DPYS: variants seen among roughly 807,000 people sequenced by gnomAD.
The protein encoded by DPYS is dihydropyrimidinase.
In DPYS, 39 loss-of-function variants were observed where a neutral mutation model predicts 50.3. That is an observed-to-expected ratio of 0.78 (90% confidence interval 0.60 to 1.01). DPYS has a LOEUF of 1.01. DPYS is among the 50% of genes least tolerant of loss of function. The pLI is 0.00. For synonymous variants in DPYS, 245 were observed against 250.7 expected (o/e 0.98, Z 0.22); for missense variants, 659 against 680.9 (o/e 0.97, Z 0.36).
chr8:104,420,158 G>A (rs1404245088), intron 7 of DPYS: 3 of 152,244 alleles, frequency 2.0e-5, no homozygotes, highest in African/African-American at 4.8e-5. Context: ...AAGGTGAGAA[G>A]AGGCAGACAG....
intron 8 of DPYS, 27 bp downstream of exon 8, chr8:104,392,757 G>A (rs1340509946): frequency 6.2e-7 from 1 of 1,613,206 alleles, no homozygotes; most frequent in South Asian, 1.1e-5. Context: ...TCCGACTTGT[G>A]GCAGTATCCC....
chr8:104,382,556 T>TTC (rs397957520), intron 8 of DPYS, among the ~76,000 whole-genome samples: 5 of 150,694 alleles, frequency 3.3e-5, no homozygotes, highest in African/African-American at 1.2e-4. Context: ...TTTTTTTTTT[T>TTC]CTTCTCCTGA....
chr8:104,453,169 A>T (rs1002175301), intron 1 of DPYS, among the ~76,000 whole-genome samples: 10 of 151,440 alleles, frequency 6.6e-5, no homozygotes, highest in Non-Finnish European at 1.2e-4. Flanking sequence ...ACTTGGCCCC[A>T]CTCCAATTCT....
intron 8 of DPYS, among the ~76,000 whole-genome samples, chr8:104,385,005 A>G (rs146920760): frequency 6.6e-6 from 1 of 152,244 alleles, no homozygotes; most frequent in African/African-American, 2.4e-5. Context: ...CTTCTCTAAT[A>G]TAGTTTCCTT....
intron 9 of DPYS, 71 bp downstream of exon 9, chr8:104,381,113 C>T (rs1439701210): frequency 3.1e-6 from 4 of 1,297,404 alleles, no homozygotes; most frequent in Non-Finnish European, 4.5e-6. Flanking sequence ...ATCTCTTCAA[C>T]CCTTATGAGG....
chr8:104,465,898 A>C (rs1814362168), intron 1 of DPYS, among the ~76,000 whole-genome samples: 1 of 152,122 alleles, frequency 6.6e-6, no homozygotes, highest in African/African-American at 2.4e-5. Context: ...AACATCAGTA[A>C]AACTATGGGT....
intron 1 of DPYS, among the ~76,000 whole-genome samples, chr8:104,455,302 G>C (rs149639890): frequency 6.6e-6 from 1 of 152,168 alleles, no homozygotes; most frequent in Non-Finnish European, 1.5e-5. Flanking sequence ...AGAAGATCTG[G>C]GGGGAAGAGG....
At chr8:104,461,268 G>A (rs573871017) in intron 1 of DPYS, among the ~76,000 whole-genome samples, 1 of 145,226 alleles carries the variant, frequency 6.9e-6, no homozygotes, top group East Asian at 2.0e-4. Flanking sequence ...TTCCAGCCCA[G>A]GTGAGAGAGT....
chr8:104,459,609 T>A (rs6984745), intron 1 of DPYS, among the ~76,000 whole-genome samples: 3,321 of 152,326 alleles, frequency 0.022, 105 homozygotes, highest in African/African-American at 0.074. Context: ...TAAATATTAT[T>A]TTGAGCTCCA....
At chr8:104,424,502 T>A (rs1564096310) in intron 6 of DPYS, 113 bp from the exon 7 acceptor site, 23 of 1,117,364 alleles carry the variant, frequency 2.1e-5, no homozygotes, top group Non-Finnish European at 2.3e-5. Flanking sequence ...TAATTTCTTA[T>A]ATTGTAGAGC....
chr8:104,452,480 T>A (rs1039689998), intron 1 of DPYS, among the ~76,000 whole-genome samples: 2 of 152,140 alleles, frequency 1.3e-5, no homozygotes, highest in Non-Finnish European at 2.9e-5. Flanking sequence ...TAATTCGCCA[T>A]CTGCAAAGTG....
At chr8:104,392,736 G>A (rs1337397968) in intron 8 of DPYS, 48 bp downstream of exon 8, 4 of 1,608,138 alleles carry the variant, frequency 2.5e-6, no homozygotes, top group Non-Finnish European at 1.7e-6. Context: ...ACATCCAGAA[G>A]CAGGAGACAG....
intron 6 of DPYS, 68 bp downstream of exon 6, chr8:104,427,912 G>T: frequency 6.2e-7 from 1 of 1,611,268 alleles, no homozygotes; most frequent in South Asian, 1.1e-5. Context: ...GTGCCACTCT[G>T]GTCCTCAAAT....
At chr8:104,413,755 T>A (rs1812273576) in intron 7 of DPYS, among the ~76,000 whole-genome samples, 2 of 152,238 alleles carry the variant, frequency 1.3e-5, no homozygotes, top group African/African-American at 4.8e-5. Context: ...AATGTTATTT[T>A]AAAAAATTGC....
rs548411409 is a variant in DPYS at position 104,408,818 on chromosome 8, GT to G, written c.1235+15428del. On this transcript the variant is annotated intron_variant, in intron 7 of 9. Coordinates refer to ENST00000351513, the MANE Select transcript of DPYS (RefSeq NM_001385.3). ...ATCCTCCAAACATGTTTTTTTGTTT[GT>G]TTTTTTTTTTTGAGATAGAGTTTCA... 3.0e-3 allele frequency among the ~76,000 whole-genome samples: 435 copies of G among 143,442 alleles called. 1 individual carries two copies. Among genetic ancestry groups the G allele is most frequent in the South Asian group, 0.011 (51 of 4,500 alleles). 94.1% of individuals were successfully genotyped at this position (143,442 alleles called of 152,430 possible).
chr8:104,451,611 G>T (rs954841836), intron 1 of DPYS, among the ~76,000 whole-genome samples: 1 of 152,130 alleles, frequency 6.6e-6, no homozygotes, highest in Non-Finnish European at 1.5e-5. Flanking sequence ...TGCTGGAATT[G>T]CTTCTGCAAA....
chr8:104,445,783 C>T (rs1813506866), intron 3 of DPYS, among the ~76,000 whole-genome samples: 3 of 152,146 alleles, frequency 2.0e-5, no homozygotes, highest in Non-Finnish European at 4.4e-5. Context: ...CGGTGGCTCA[C>T]GCCTGTAATC....
At chr8:104,386,970 A>G (rs1160988762) in intron 8 of DPYS, among the ~76,000 whole-genome samples, 1 of 152,186 alleles carries the variant, frequency 6.6e-6, no homozygotes, top group East Asian at 1.9e-4. Context: ...ACAGAGAAGA[A>G]TCCCAAAGGT....
At chr8:104,458,373 C>T (rs962372222) in intron 1 of DPYS, among the ~76,000 whole-genome samples, 4 of 152,192 alleles carry the variant, frequency 2.6e-5, no homozygotes, top group Admixed American at 6.5e-5. Context: ...CTGTCCCTGC[C>T]TCTCTTAGGA....
Sources: gnomAD v4.1 joint callset for allele counts (sites outside exome capture counted in the v4.1 genomes callset) on GRCh38, gnomAD v4.1.1 for gene constraint, MANE v1.5 for transcripts, NCBI Gene and HGNC (gene_info 2026-07-23, HGNC 2026-07-21) for gene names.